Variants in FSTL5 observed in about 807,000 individuals in gnomAD.
FSTL5 encodes follistatin-related protein 5.
FSTL5 carries 62 observed loss-of-function variants against 89.1 expected under a neutral mutation model. The observed-to-expected ratio is 0.70, with a 90% CI of 0.57 to 0.86. The LOEUF is 0.86. Among genes scored for constraint, FSTL5 ranks in the 40% least tolerant of loss-of-function variants. The pLI, the probability that FSTL5 is intolerant of heterozygous loss-of-function variation, is 0.00. For synonymous variants in FSTL5, 383 were observed against 346.2 expected, an observed-to-expected ratio of 1.11 and a Z score of -1.18; for missense variants, 1,057 against 1,001.6, an observed-to-expected ratio of 1.06 and a Z score of -0.75.
intron 4 of FSTL5, among the ~76,000 whole-genome samples, chr4:161,823,415 T>C (rs573485386): frequency 1.3e-5 from 2 of 152,298 alleles, no homozygotes; most frequent in African/African-American, 2.4e-5. Flanking sequence ...GAGACAGCAG[T>C]GGGGCTGGCA....
At chr4:161,989,304 G>T (rs1243659182) in intron 3 of FSTL5, among the ~76,000 whole-genome samples, 1 of 152,092 alleles carries the variant, frequency 6.6e-6, no homozygotes, top group Non-Finnish European at 1.5e-5. Context: ...GGGGAGAATA[G>T]GAAAGGTCAG....
chr4:161,503,215 T>C (rs1254536073), intron 11 of FSTL5, among the ~76,000 whole-genome samples: 6 of 151,684 alleles, frequency 4.0e-5, no homozygotes, highest in Non-Finnish European at 4.4e-5. Flanking sequence ...GCAGAGTAAC[T>C]CACACACAGC....
At chr4:161,900,022 T>C (rs779336211) in intron 4 of FSTL5, among the ~76,000 whole-genome samples, 3 of 151,902 alleles carry the variant, frequency 2.0e-5, no homozygotes, top group Non-Finnish European at 4.4e-5. Context: ...TGGAGAAAAC[T>C]GTCTCTACTA....
intron 6 of FSTL5, among the ~76,000 whole-genome samples, chr4:161,672,775 A>G (rs1401708316): frequency 1.4e-5 from 2 of 144,902 alleles, no homozygotes; most frequent in Non-Finnish European, 3.0e-5. Context: ...AATTTTTTAA[A>G]TTAGAAACTG....
intron 7 of FSTL5, among the ~76,000 whole-genome samples, chr4:161,591,080 A>C (rs1337780032): frequency 6.6e-6 from 1 of 152,250 alleles, no homozygotes; most frequent in African/African-American, 2.4e-5. Flanking sequence ...TATACAATGG[A>C]GTATTATTTG....
At chr4:161,950,868 C>A (rs1349669514) in intron 3 of FSTL5, among the ~76,000 whole-genome samples, 1 of 152,024 alleles carries the variant, frequency 6.6e-6, no homozygotes, top group Non-Finnish European at 1.5e-5. Flanking sequence ...GGATTCTAAA[C>A]AATCATGCCA....
intron 3 of FSTL5, among the ~76,000 whole-genome samples, chr4:161,952,779 GC>G (rs1560934027): frequency 6.6e-6 from 1 of 151,696 alleles, no homozygotes; most frequent in Admixed American, 6.6e-5. Flanking sequence ...TTTCTATCTG[GC>G]CAGGTAAGTG....
intron 4 of FSTL5, among the ~76,000 whole-genome samples, chr4:161,790,964 C>A (rs1030202287): frequency 6.8e-6 from 1 of 146,942 alleles, no homozygotes; most frequent in Non-Finnish European, 1.5e-5. Flanking sequence ...GGCTCATGAC[C>A]ATGTCCCTAG....
At chr4:161,807,718 G>A (rs1730012173) in intron 4 of FSTL5, among the ~76,000 whole-genome samples, 2 of 152,144 alleles carry the variant, frequency 1.3e-5, no homozygotes, top group Admixed American at 6.5e-5. Flanking sequence ...TGGCCCATAA[G>A]CCAAAGTTTA....
intron 2 of FSTL5, among the ~76,000 whole-genome samples, chr4:162,053,097 ACTTGT>A (rs757283634): frequency 1.4e-4 from 21 of 151,818 alleles, no homozygotes; most frequent in Non-Finnish European, 2.8e-4. Context: ...TATTATAGAC[ACTTGT>A]CTGTGTCTGG....
chr4:161,992,581 G>A (rs1002509810), intron 3 of FSTL5, among the ~76,000 whole-genome samples: 1 of 151,756 alleles, frequency 6.6e-6, no homozygotes, highest in Non-Finnish European at 1.5e-5. Flanking sequence ...GGTGGTTCAC[G>A]CCTGTAATCC....
chr4:161,625,009 G>T (rs1038897462), intron 7 of FSTL5, among the ~76,000 whole-genome samples: 2 of 152,012 alleles, frequency 1.3e-5, no homozygotes, highest in African/African-American at 4.8e-5. Context: ...GTTGTATTAG[G>T]AAATACCAGT....
intron 2 of FSTL5, among the ~76,000 whole-genome samples, chr4:162,035,818 G>C (rs1248790775): frequency 6.6e-6 from 1 of 152,070 alleles, no homozygotes; most frequent in Non-Finnish European, 1.5e-5. Flanking sequence ...AGAACAATGT[G>C]GTAGCAGTGT....
At chr4:161,877,126 G>A (rs1732469353) in intron 4 of FSTL5, among the ~76,000 whole-genome samples, 1 of 150,244 alleles carries the variant, frequency 6.7e-6, no homozygotes, top group Non-Finnish European at 1.5e-5. Flanking sequence ...GGAGGTTGCT[G>A]TGAGCCGAGA....
chr4:161,820,956 AAC>A (rs2126849893), intron 4 of FSTL5, among the ~76,000 whole-genome samples: 1 of 150,862 alleles, frequency 6.6e-6, no homozygotes, highest in East Asian at 2.0e-4. Context: ...AAAAAAAAAA[AAC>A]CACCAAACTC....
intron 3 of FSTL5, among the ~76,000 whole-genome samples, chr4:161,976,079 C>G (rs951993530): frequency 4.3e-5 from 6 of 140,642 alleles, no homozygotes; most frequent in Non-Finnish European, 4.5e-5. Flanking sequence ...GATCGCGTCA[C>G]TGCACTCCAG....
At chr4:161,404,545 G>A (rs1731291709) in intron 15 of FSTL5, among the ~76,000 whole-genome samples, 1 of 152,172 alleles carries the variant, frequency 6.6e-6, no homozygotes. Flanking sequence ...GTGTTGGCCA[G>A]CAGAGCAGAT....
intron 11 of FSTL5, among the ~76,000 whole-genome samples, chr4:161,503,953 T>G (rs114822101): frequency 0.011 from 1,701 of 152,032 alleles, 28 homozygotes; most frequent in African/African-American, 0.038. Context: ...ATTATTACTT[T>G]TAATGTAGGG....
intron 4 of FSTL5, among the ~76,000 whole-genome samples, chr4:161,851,776 T>C (rs1221784207): frequency 6.6e-6 from 1 of 151,878 alleles, no homozygotes; most frequent in Non-Finnish European, 1.5e-5. Flanking sequence ...ATATATTACT[T>C]ACAACTTTGG....
Sources: gnomAD v4.1 joint callset for allele counts (sites outside exome capture counted in the v4.1 genomes callset) on GRCh38, gnomAD v4.1.1 for gene constraint, MANE v1.5 for transcripts, NCBI Gene and HGNC (gene_info 2026-07-23, HGNC 2026-07-21) for gene names.